TMEM74: variants seen among roughly 807,000 people sequenced by gnomAD.
The protein encoded by TMEM74 is transmembrane protein 74.
Under a neutral mutation model 18.1 loss-of-function variants are expected in TMEM74, and 13 were observed. The ratio of observed to expected loss-of-function variants is 0.72; its 90% CI spans 0.47 to 1.14. The LOEUF is 1.14. Ranked by LOEUF, TMEM74 falls within the 50% of genes most tolerant of loss-of-function variation. TMEM74 has a pLI of 0.00. For missense variants in TMEM74, 372 were observed against 375.9 expected, an observed-to-expected ratio of 0.99 and a Z score of 0.09; for synonymous variants, 159 against 146.6, an observed-to-expected ratio of 1.08 and a Z score of -0.61.
At chr8:108,659,032 A>G (rs886889626) in intron 1 of TMEM74, among the ~76,000 whole-genome samples, 1 of 152,180 alleles carries the variant, frequency 6.6e-6, no homozygotes, top group African/African-American at 2.4e-5. Flanking sequence ...TGTCACAATA[A>G]GGCAGAAAAT....
intron 1 of TMEM74, among the ~76,000 whole-genome samples, chr8:108,685,057 A>G (rs933489955): frequency 2.6e-5 from 4 of 152,242 alleles, no homozygotes; most frequent in East Asian, 3.9e-4. Flanking sequence ...AATTCTTCCA[A>G]TTAATGAGCA....
intron 2 of TMEM74, among the ~76,000 whole-genome samples, chr8:108,639,731 G>A (rs1812644229): frequency 6.6e-6 from 1 of 152,030 alleles, no homozygotes; most frequent in African/African-American, 2.4e-5. Context: ...AATTAAAAAT[G>A]CACCCACAGT....
intron 1 of TMEM74, among the ~76,000 whole-genome samples, chr8:108,713,894 G>A (rs1462861632): frequency 6.6e-6 from 1 of 152,218 alleles, no homozygotes; most frequent in African/African-American, 2.4e-5. Context: ...CCAAAGGCCT[G>A]AGAACCCAGG....
intron 1 of TMEM74, among the ~76,000 whole-genome samples, chr8:108,731,571 G>C (rs1388194109): frequency 2.0e-5 from 3 of 152,110 alleles, no homozygotes; most frequent in African/African-American, 7.2e-5. Context: ...AGGTGATAGA[G>C]AGCATGAATA....
intron 1 of TMEM74, among the ~76,000 whole-genome samples, chr8:108,688,228 C>A (rs116849994): frequency 0.016 from 2,499 of 152,280 alleles, 21 homozygotes; most frequent in Non-Finnish European, 0.026. Context: ...TTTCTGAAGT[C>A]AATTTGACAT....
At chr8:108,769,910 A>G (rs958539631) in intron 1 of TMEM74, among the ~76,000 whole-genome samples, 2 of 150,676 alleles carry the variant, frequency 1.3e-5, no homozygotes, top group Non-Finnish European at 2.9e-5. Context: ...GTTATCTATT[A>G]ACACTTTTTG....
chr8:108,706,784 T>G (rs1429326632), intron 1 of TMEM74, among the ~76,000 whole-genome samples: 1 of 150,088 alleles, frequency 6.7e-6, no homozygotes, highest in Non-Finnish European at 1.5e-5. Flanking sequence ...GGGGTGTGTG[T>G]GTGTGTGTGT....
At chr8:108,692,441 A>G (rs755532814) in intron 1 of TMEM74, among the ~76,000 whole-genome samples, 32 of 152,108 alleles carry the variant, frequency 2.1e-4, no homozygotes, top group Non-Finnish European at 4.4e-4. Flanking sequence ...TTCTCTTTCC[A>G]GTGTTAACCA....
chr8:108,730,485 A>G (rs1030803311), intron 1 of TMEM74, among the ~76,000 whole-genome samples: 1 of 152,136 alleles, frequency 6.6e-6, no homozygotes, highest in Non-Finnish European at 1.5e-5. Flanking sequence ...TTGGATACTA[A>G]TATTTCATAG....
chr8:108,637,959 T>C (rs1381095756), intron 2 of TMEM74, among the ~76,000 whole-genome samples: 4 of 152,164 alleles, frequency 2.6e-5, no homozygotes, highest in Non-Finnish European at 5.9e-5. Context: ...AATTTTTTGG[T>C]GTTCTCCTAA....
At chr8:108,682,767 T>G (rs896236444) in intron 1 of TMEM74, among the ~76,000 whole-genome samples, 1 of 152,014 alleles carries the variant, frequency 6.6e-6, no homozygotes, top group Non-Finnish European at 1.5e-5. Context: ...ACTCTTATAG[T>G]GCTCTAGTGT....
At chr8:108,734,832 C>G (rs1471683770) in intron 1 of TMEM74, among the ~76,000 whole-genome samples, 1 of 152,090 alleles carries the variant, frequency 6.6e-6, no homozygotes, top group African/African-American at 2.4e-5. Flanking sequence ...CACATTCAGG[C>G]CTGTGTATGG....
At chr8:108,667,955 C>T (rs1254022805) in intron 1 of TMEM74, among the ~76,000 whole-genome samples, 3 of 152,156 alleles carry the variant, frequency 2.0e-5, no homozygotes, top group Admixed American at 2.0e-4. Flanking sequence ...CAGTGATTTT[C>T]CTGTAGTGGA....
chr8:108,693,014 T>A (rs1563527689), intron 1 of TMEM74, among the ~76,000 whole-genome samples: 1 of 152,276 alleles, frequency 6.6e-6, no homozygotes, highest in Non-Finnish European at 1.5e-5. Context: ...AGGGCTGCTT[T>A]AGCTAGGAAG....
At chr8:108,733,491 G>A (rs1400652403) in intron 1 of TMEM74, among the ~76,000 whole-genome samples, 6 of 152,142 alleles carry the variant, frequency 3.9e-5, no homozygotes. Context: ...GGGAATGAGG[G>A]AGAGGAGTTA....
At chr8:108,669,372 C>A (rs1167372280) in intron 1 of TMEM74, among the ~76,000 whole-genome samples, 1 of 152,092 alleles carries the variant, frequency 6.6e-6, no homozygotes, top group Non-Finnish European at 1.5e-5. Context: ...ATGAAAAGGT[C>A]ATCATTAGTG....
intron 1 of TMEM74, among the ~76,000 whole-genome samples, chr8:108,674,011 T>A (rs564306481): frequency 2.6e-5 from 4 of 152,306 alleles, no homozygotes; most frequent in South Asian, 4.1e-4. Context: ...TTGTTAGATA[T>A]GAATGCCTAG....
Position 108,782,766 on chromosome 8 carries a change from T to G in TMEM74, c.*1415A>C, listed in dbSNP as rs1296786950. 6.6e-6 allele frequency among the ~76,000 whole-genome samples: 1 copy of G among 152,210 alleles called. No individual in the cohort carries two copies. Among genetic ancestry groups the G allele is most frequent in the Non-Finnish European group, 1.5e-5 (1 of 68,032 alleles). On this transcript the variant is annotated 3_prime_UTR_variant, in exon 2 of 2. Transcript: ENST00000297459. ...CCTCTTTTTAAGAATGACCCCCTGATCCTGGTAACACAATCATGGAAGTTA... is the reference window on the plus strand; with the variant it reads ...CCTCTTTTTAAGAATGACCCCCTGAGCCTGGTAACACAATCATGGAAGTTA...
At chr8:108,635,979 T>C (rs914430768) in intron 2 of TMEM74, among the ~76,000 whole-genome samples, 1 of 152,102 alleles carries the variant, frequency 6.6e-6, no homozygotes, top group African/African-American at 2.4e-5. Context: ...CTACAATTTG[T>C]TTTTAAGCAG....
Sources: gnomAD v4.1 joint callset for allele counts (sites outside exome capture counted in the v4.1 genomes callset) on GRCh38, gnomAD v4.1.1 for gene constraint, MANE v1.5 for transcripts, NCBI Gene and HGNC (gene_info 2026-07-23, HGNC 2026-07-21) for gene names.